TOX3: variants seen among roughly 807,000 people sequenced by gnomAD.
TOX3 encodes the protein TOX high mobility group box family member 3, also known as CAG trinucleotide repeat-containing gene F9 protein.
A neutral mutation model predicts 64.3 loss-of-function variants in TOX3; 22 were observed. That is an observed-to-expected ratio of 0.34 (90% confidence interval 0.24 to 0.49). The LOEUF (loss-of-function observed/expected upper bound fraction) is 0.49. TOX3 is among the 20% of genes least tolerant of loss of function. The pLI is 0.99. For synonymous variants in TOX3, 291 were observed against 273.6 expected (o/e 1.06, Z -0.63); for missense variants, 661 against 714.4 (o/e 0.93, Z 0.85).
chr16:52,473,508 C>T (rs1348834864), intron 1 of TOX3, among the ~76,000 whole-genome samples: 2 of 152,194 alleles, frequency 1.3e-5, no homozygotes, highest in Non-Finnish European at 2.9e-5. Context: ...ATCAAGTGTG[C>T]CACGCACGGT....
chr16:52,492,725 A>T (rs2151458749), intron 1 of TOX3, among the ~76,000 whole-genome samples: 1 of 151,034 alleles, frequency 6.6e-6, no homozygotes, highest in Non-Finnish European at 1.5e-5. Flanking sequence ...TTAGGGCTCC[A>T]CATGTTACCA....
chr16:52,450,147 A>G (rs1960289685), intron 4 of TOX3, 130 bp downstream of exon 4: 1 of 1,098,634 alleles, frequency 9.1e-7, no homozygotes, highest in African/African-American at 1.6e-5. Context: ...AAAACAACAA[A>G]CCATCATACA....
chr16:52,464,000 A>C lies in TOX3; in HGVS notation c.342T>G (p.Pro114=). 3 of 1,598,460 alleles carry C rather than the reference A, an allele frequency of 1.9e-6. No individual in the cohort carries two copies. The highest frequency in any genetic ancestry group is 2.6e-6 in the Non-Finnish European group (3 of 1,172,382). The change falls in exon 3 of 7, where the codon CCT becomes CCG. Residue 114 remains proline, a synonymous_variant. Transcript: ENST00000219746. ...PQFPPQSLDL[P]SITISRNLVE... is the part of the protein sequence containing the mutation. ...CGAGATTTCTTGAGATTGTAATGGA[A>C]GGGAGGTCCAGGCTTTGAGGGGGAA... is the stretch of plus-strand genomic sequence containing the variant.
At chr16:52,468,484 C>T (rs534139402) in intron 2 of TOX3, 25 bp downstream of exon 2, 240 of 1,603,594 alleles carry the variant, frequency 1.5e-4, no homozygotes, top group Middle Eastern at 5.0e-4. Flanking sequence ...AAAACAGGAA[C>T]AAACACATTA....
intron 6 of TOX3, among the ~76,000 whole-genome samples, chr16:52,443,659 A>G (rs1425288319): frequency 1.3e-5 from 2 of 152,228 alleles, no homozygotes; most frequent in African/African-American, 4.8e-5. Context: ...TTAAATGTTA[A>G]TATCATGTAT....
At chr16:52,496,805 T>C (rs570721941) in intron 1 of TOX3, among the ~76,000 whole-genome samples, 185 of 152,294 alleles carry the variant, frequency 1.2e-3, no homozygotes, top group African/African-American at 4.2e-3. Context: ...AAGATCTTTG[T>C]TGCTCAGAAA....
chr16:52,439,714 T>G lies in TOX3; in HGVS notation c.1242A>C (p.Pro414=). 1 of 1,613,978 alleles carries G rather than the reference T, an allele frequency of 6.2e-7. No individual in the cohort carries two copies. The highest frequency in any genetic ancestry group is 8.5e-7 in the Non-Finnish European group (1 of 1,179,886). The part of the protein sequence containing the change: ...AANMPSNIGA[P]LISSMGTTMV... ...TGGTCGTTCCCATGGAGCTTATCAGTGGAGCCCCAATGTTCGAGGGCATGT... is the reference window on the plus strand; with the variant it reads ...TGGTCGTTCCCATGGAGCTTATCAGGGGAGCCCCAATGTTCGAGGGCATGT... Residue 414 remains proline, a synonymous_variant, in exon 7 of 7, where the codon CCA becomes CCC. Transcript: ENST00000219746.
At chr16:52,529,690 C>T (rs947318817) in intron 1 of TOX3, among the ~76,000 whole-genome samples, 1 of 152,170 alleles carries the variant, frequency 6.6e-6, no homozygotes, top group Admixed American at 6.5e-5. Context: ...AAAGAAAGAA[C>T]AAGAATGGTA....
intron 3 of TOX3, among the ~76,000 whole-genome samples, chr16:52,458,668 C>T (rs1310814365): frequency 6.6e-6 from 1 of 152,170 alleles, no homozygotes; most frequent in Non-Finnish European, 1.5e-5. Flanking sequence ...AAGTTTGGAA[C>T]ACAGTCCTAC....
Position 52,515,446 on chromosome 16 carries a change from G to T in TOX3, c.87+31191C>A, listed in dbSNP as rs77314682. On this transcript the variant is annotated intron_variant, in intron 1 of 6. Coordinates refer to ENST00000219746, the MANE Select transcript of TOX3 (RefSeq NM_001080430.4). ...TCTGAGGTTACATAGCTGGCTGCATGTACTTTCAACAATTCTATCATGCTT... is the reference window on the plus strand; with the variant it reads ...TCTGAGGTTACATAGCTGGCTGCATTTACTTTCAACAATTCTATCATGCTT... Among the ~76,000 whole-genome samples the T allele has an allele frequency of 6.4e-3, 975 of 152,274 alleles. 10 individuals are homozygous for T. The highest frequency in any genetic ancestry group is 0.022 in the African/African-American group (925 of 41,556).
intron 3 of TOX3, among the ~76,000 whole-genome samples, chr16:52,460,273 T>C (rs868278123): frequency 2.0e-4 from 30 of 152,286 alleles, no homozygotes; most frequent in African/African-American, 7.2e-4. Flanking sequence ...CCTCTAAACA[T>C]GGAAATATAA....
chr16:52,518,949 GA>G (rs35743184), intron 1 of TOX3, among the ~76,000 whole-genome samples: 1,956 of 152,262 alleles, frequency 0.013, 54 homozygotes, highest in African/African-American at 0.045. Context: ...ATCTACACTT[GA>G]GTGTAAACAC....
At chr16:52,481,684 G>C (rs1961371971) in intron 1 of TOX3, among the ~76,000 whole-genome samples, 1 of 152,194 alleles carries the variant, frequency 6.6e-6, no homozygotes, top group Non-Finnish European at 1.5e-5. Flanking sequence ...TACCAGTCTG[G>C]CTTTAGAAAC....
chr16:52,477,914 T>C (rs1470611522), intron 1 of TOX3, among the ~76,000 whole-genome samples: 1 of 152,168 alleles, frequency 6.6e-6, no homozygotes, highest in African/African-American at 2.4e-5. Flanking sequence ...CATAGCTCAC[T>C]GTGGCCTCAA....
At chr16:52,537,113 T>C (rs1478403269) in intron 1 of TOX3, among the ~76,000 whole-genome samples, 3 of 152,034 alleles carry the variant, frequency 2.0e-5, no homozygotes, top group Non-Finnish European at 4.4e-5. Context: ...GTCTTGAAAA[T>C]ATCTTCTCAT....
At chr16:52,459,635 A>G (rs1007031144) in intron 3 of TOX3, among the ~76,000 whole-genome samples, 2 of 152,204 alleles carry the variant, frequency 1.3e-5, no homozygotes, top group Non-Finnish European at 2.9e-5. Flanking sequence ...TTAGCTCCCC[A>G]GCCTCTATTG....
intron 1 of TOX3, among the ~76,000 whole-genome samples, chr16:52,506,756 C>A (rs1412091307): frequency 6.6e-6 from 1 of 152,122 alleles, no homozygotes; most frequent in East Asian, 1.9e-4. Flanking sequence ...CCTATAATTA[C>A]ATTAAAGATT....
At chr16:52,451,601 C>A (rs1325313750) in intron 3 of TOX3, among the ~76,000 whole-genome samples, 2 of 152,110 alleles carry the variant, frequency 1.3e-5, no homozygotes, top group African/African-American at 4.8e-5. Context: ...TATACACAAG[C>A]CTATGAATTC....
intron 2 of TOX3, among the ~76,000 whole-genome samples, chr16:52,465,244 G>C (rs1197319199): frequency 2.0e-5 from 3 of 151,462 alleles, no homozygotes; most frequent in Non-Finnish European, 4.4e-5. Flanking sequence ...TCGATCTCCT[G>C]ACCTTGTGAT....
Sources: allele counts gnomAD v4.1 joint callset (sites outside exome capture counted in the v4.1 genomes callset), GRCh38; gene constraint gnomAD v4.1.1; transcripts MANE v1.5; gene names NCBI Gene and HGNC (gene_info 2026-07-23, HGNC 2026-07-21).